TENM4: variants seen among roughly 807,000 people sequenced by gnomAD.
TENM4 encodes teneurin-4.
In TENM4, 82 loss-of-function variants were observed where a neutral mutation model predicts 243.3. The observed-to-expected ratio is 0.34, with a 90% CI of 0.28 to 0.40. The LOEUF is 0.40. Among genes scored for constraint, TENM4 ranks in the 10% least tolerant of loss-of-function variants. TENM4 has a pLI of 1.00. For synonymous variants in TENM4, 1,412 were observed against 1,456.3 expected, an observed-to-expected ratio of 0.97 and a Z score of 0.69; for missense variants, 3,138 against 3,673.3, an observed-to-expected ratio of 0.85 and a Z score of 3.77.
intron 1 of TENM4, among the ~76,000 whole-genome samples, chr11:79,328,423 A>G (rs920827249): frequency 6.6e-6 from 1 of 152,196 alleles, no homozygotes; most frequent in African/African-American, 2.4e-5. Flanking sequence ...CAGCAGCTGG[A>G]AAGACAGAGT....
chr11:78,772,936 G>T (rs1856670608), intron 17 of TENM4, among the ~76,000 whole-genome samples: 1 of 152,210 alleles, frequency 6.6e-6, no homozygotes, highest in Non-Finnish European at 1.5e-5. Context: ...ACCCCAAAAA[G>T]TGATTGAGAA....
intron 6 of TENM4, among the ~76,000 whole-genome samples, chr11:78,942,291 A>G (rs1856915257): frequency 7.2e-6 from 1 of 138,358 alleles, no homozygotes; most frequent in African/African-American, 2.8e-5. Context: ...AAAAAAAAAA[A>G]AAAAAAAAAG....
At chr11:78,775,271 A>G (rs1856719594) in intron 17 of TENM4, among the ~76,000 whole-genome samples, 1 of 152,200 alleles carries the variant, frequency 6.6e-6, no homozygotes, top group South Asian at 2.1e-4. Context: ...GAACTCCTGT[A>G]GGCACATGGC....
intron 12 of TENM4, among the ~76,000 whole-genome samples, chr11:78,847,159 C>T (rs368639969): frequency 1.3e-5 from 2 of 152,170 alleles, no homozygotes; most frequent in Non-Finnish European, 2.9e-5. Flanking sequence ...AAAGTGTGCA[C>T]CAGAACATCA....
chr11:79,080,508 C>T (rs1860640504), intron 4 of TENM4, among the ~76,000 whole-genome samples: 2 of 152,324 alleles, frequency 1.3e-5, no homozygotes, highest in East Asian at 3.9e-4. Flanking sequence ...GGAAGATGAT[C>T]CCGTTTGCTG....
At chr11:79,234,491 G>C (rs1250940119) in intron 2 of TENM4, among the ~76,000 whole-genome samples, 2 of 152,016 alleles carry the variant, frequency 1.3e-5, no homozygotes, top group Non-Finnish European at 2.9e-5. Context: ...GCTCACAAAG[G>C]CCTGTTAACC....
intron 1 of TENM4, among the ~76,000 whole-genome samples, chr11:79,370,779 T>TAAAAAAAAAAAAAAAAA (rs544196671): frequency 5.3e-5 from 3 of 57,142 alleles, no homozygotes; most frequent in Admixed American, 2.9e-4. Flanking sequence ...ACTCCTATGG[T>TAAAAAAAAAAAAAAAAA]AAAAAAAAAA....
intron 6 of TENM4, among the ~76,000 whole-genome samples, chr11:78,907,078 C>A (rs1856079656): frequency 6.6e-6 from 1 of 152,058 alleles, no homozygotes; most frequent in Admixed American, 6.5e-5. Flanking sequence ...CTTCCCTCAC[C>A]CTTTCTAGCT....
At chr11:78,817,082 G>C (rs1477151294) in intron 12 of TENM4, among the ~76,000 whole-genome samples, 3 of 152,152 alleles carry the variant, frequency 2.0e-5, no homozygotes, top group African/African-American at 7.2e-5. Context: ...AAGGCATCTA[G>C]ACAAGGGCAT....
At chr11:79,115,340 A>T (rs1442939712) in intron 4 of TENM4, among the ~76,000 whole-genome samples, 1 of 152,134 alleles carries the variant, frequency 6.6e-6, no homozygotes, top group African/African-American at 2.4e-5. Flanking sequence ...TCCATGTCAA[A>T]TTATCTCTTT....
intron 28 of TENM4, among the ~76,000 whole-genome samples, chr11:78,688,544 A>C (rs1945471): frequency 0.014 from 2,136 of 152,054 alleles, 30 homozygotes; most frequent in Non-Finnish European, 0.019. Context: ...TGAGGGGGAG[A>C]GATGATGGTG....
At chr11:79,283,521 G>A (rs552105828) in intron 2 of TENM4, among the ~76,000 whole-genome samples, 2 of 152,170 alleles carry the variant, frequency 1.3e-5, no homozygotes, top group East Asian at 3.9e-4. Flanking sequence ...ACATCCTTTT[G>A]TGACAAAAAA....
At chr11:79,381,683 T>C (rs1391741716) in intron 1 of TENM4, among the ~76,000 whole-genome samples, 1 of 151,554 alleles carries the variant, frequency 6.6e-6, no homozygotes, top group Non-Finnish European at 1.5e-5. Flanking sequence ...CGACGTTCAC[T>C]TGAGCGCTGT....
intron 1 of TENM4, among the ~76,000 whole-genome samples, chr11:79,408,579 C>T (rs1055977421): frequency 2.0e-5 from 3 of 152,208 alleles, no homozygotes; most frequent in African/African-American, 7.2e-5. Context: ...AGGTATTCAA[C>T]ACACTGGCTT....
chr11:79,004,345 A>G (rs1340827135), intron 6 of TENM4, among the ~76,000 whole-genome samples: 1 of 152,192 alleles, frequency 6.6e-6, no homozygotes, highest in Admixed American at 6.5e-5. Flanking sequence ...ATAAATTCTT[A>G]CCATCTGCAC....
chr11:78,668,214 C>G (rs1251166700), intron 32 of TENM4, among the ~76,000 whole-genome samples: 1 of 152,110 alleles, frequency 6.6e-6, no homozygotes, highest in Non-Finnish European at 1.5e-5. Context: ...TCTTTTCCTG[C>G]CCTCTTTGGA....
At chr11:78,741,986 C>T (rs369773289) in intron 19 of TENM4, among the ~76,000 whole-genome samples, 51 of 152,240 alleles carry the variant, frequency 3.3e-4, no homozygotes, top group African/African-American at 1.2e-3. Context: ...ATTTTCTACT[C>T]GTCCTTAGAG....
At chr11:79,053,143 C>G (rs963943582) in intron 6 of TENM4, among the ~76,000 whole-genome samples, 1 of 152,064 alleles carries the variant, frequency 6.6e-6, no homozygotes, top group African/African-American at 2.4e-5. Flanking sequence ...ATCTGATAAC[C>G]AGTTGGGCAC....
At chr11:79,116,889 AG>A (rs1861633168) in intron 4 of TENM4, among the ~76,000 whole-genome samples, 1 of 152,214 alleles carries the variant, frequency 6.6e-6, no homozygotes, top group Non-Finnish European at 1.5e-5. Context: ...ATGGGGGGAA[AG>A]GTGTATAACA....
Sources: allele counts gnomAD v4.1 joint callset (sites outside exome capture counted in the v4.1 genomes callset), GRCh38; gene constraint gnomAD v4.1.1; transcripts MANE v1.5; gene names NCBI Gene and HGNC (gene_info 2026-07-23, HGNC 2026-07-21).